TCIRG1: variants seen among roughly 807,000 people sequenced by gnomAD.
The protein encoded by TCIRG1 is T cell immune regulator 1, ATPase H+ transporting V0 subunit a3.
In TCIRG1, 86 loss-of-function variants were observed where a neutral mutation model predicts 95.5. The observed-to-expected ratio is 0.90, with a 90% CI of 0.76 to 1.08. The LOEUF (loss-of-function observed/expected upper bound fraction) is 1.08. Ranked by LOEUF, TCIRG1 falls within the 50% of genes least tolerant of loss-of-function variation. TCIRG1 has a pLI of 0.00. For missense variants in TCIRG1, 1,069 were observed against 1,140.2 expected, an observed-to-expected ratio of 0.94 and a Z score of 0.90; for synonymous variants, 499 against 501.3, an observed-to-expected ratio of 1.00 and a Z score of 0.06.
chr11:68,043,282 C>A (rs1855270647), intron 5 of TCIRG1, 89 bp from the exon 6 acceptor site: 1 of 1,498,862 alleles, frequency 6.7e-7, no homozygotes, highest in Non-Finnish European at 8.9e-7. Context: ...GCCCGATTGC[C>A]CGTGCTGGGC....
At position 68,041,802 on chromosome 11, in the gene TCIRG1, G is replaced by A. The variant is rs368777603; in HGVS notation, c.167G>A (p.Arg56Gln). The A allele has an allele frequency of 1.7e-5, 27 of 1,609,726 alleles. No individual in the cohort carries two copies. Among genetic ancestry groups the A allele is most frequent in the African/African-American group, 5.3e-5 (4 of 74,870 alleles). The change falls in exon 3 of 20, where the codon CGG (arginine) becomes CAG (glutamine). Residue 56 changes from arginine (R) to glutamine (Q), a missense_variant. Physicochemically the swap from Arg to Gln is conservative, Grantham distance 43. Coordinates refer to ENST00000265686, the MANE Select transcript of TCIRG1 (RefSeq NM_006019.4). ...CAGAGACGCTTTGTGGTTGATGTTCGGCGCTGTGAGGAGCTGGAGAAGACC... is the reference window on the plus strand; with the variant it reads ...CAGAGACGCTTTGTGGTTGATGTTCAGCGCTGTGAGGAGCTGGAGAAGACC... ...AFQRRFVVDV[R>Q]RCEELEKTFT... is the part of the protein sequence containing the mutation.
chr11:68,039,615 C>T (rs1307411738), intron 1 of TCIRG1, among the ~76,000 whole-genome samples: 1 of 152,118 alleles, frequency 6.6e-6, no homozygotes, highest in Non-Finnish European at 1.5e-5. Context: ...TGGGCTGGAG[C>T]CTGGACCCCA....
chr11:68,045,833 C>G (rs1855454339), intron 10 of TCIRG1, among the ~76,000 whole-genome samples: 1 of 152,236 alleles, frequency 6.6e-6, no homozygotes, highest in Admixed American at 6.5e-5. Context: ...CACCCTGACT[C>G]TTGCCCACTG....
At position 68,041,277 on chromosome 11, in the gene TCIRG1, C is replaced by T. The variant is rs1265132245; in HGVS notation, c.6C>T (p.Gly2=). Residue 2 remains glycine (G), a synonymous_variant, in exon 2 of 20, where the codon GGC becomes GGT. Coordinates refer to ENST00000265686, the MANE Select transcript of TCIRG1 (RefSeq NM_006019.4). ...CCGTGTCCACCCACAGGACCATGGGCTCCATGTTCCGGAGCGAGGAGGTGG... is the reference window on the plus strand; with the variant it reads ...CCGTGTCCACCCACAGGACCATGGGTTCCATGTTCCGGAGCGAGGAGGTGG... The part of the protein sequence containing the change: M[G]SMFRSEEVAL... The T allele has an allele frequency of 1.9e-6, 3 of 1,610,648 alleles. No individual in the cohort carries two copies. Among genetic ancestry groups the T allele is most frequent in the Non-Finnish European group, 2.5e-6 (3 of 1,177,766 alleles).
chr11:68,041,327 CAG>C lies in TCIRG1; in HGVS notation c.57_58del (p.Ala20GlyfsTer34). The stretch of plus-strand genomic sequence containing the variant: ...GCCCTGGTCCAGCTCTTTCTGCCCA[CAG>C]CGGCTGCCTACACCTGCGTGAGTCG... On this transcript the variant is annotated frameshift_variant, in exon 2 of 20. Transcript: ENST00000265686. LOFTEE classifies it high-confidence loss of function. The C allele has an allele frequency of 6.2e-7, 1 of 1,613,280 alleles. No homozygotes were observed. Among genetic ancestry groups the C allele is most frequent in the Non-Finnish European group, 8.5e-7 (1 of 1,179,970 alleles).
chr11:68,049,478 CG>C (rs1565163166), intron 15 of TCIRG1, 184 bp downstream of exon 15: 6 of 1,003,880 alleles, frequency 6.0e-6, no homozygotes, highest in Non-Finnish European at 7.2e-6. Flanking sequence ...CACTGGGAAC[CG>C]GGGGTCCCTT....
rs766544469 is a variant in TCIRG1 at position 68,045,074 on chromosome 11, C to T, written c.1137C>T (p.Gly379=). The T allele has an allele frequency of 2.5e-6, 4 of 1,603,236 alleles. No homozygotes were observed. Among genetic ancestry groups the T allele is most frequent in the Admixed American group, 1.7e-5 (1 of 60,008 alleles). Residue 379 remains glycine, a synonymous_variant, in exon 10 of 20, where the codon GGC becomes GGT. Coordinates refer to ENST00000265686, the MANE Select transcript of TCIRG1 (RefSeq NM_006019.4). ...TCCAGGGCATCGTGGATGCCTACGG[C>T]GTGGGCCGCTACCAGGAGGTCAACC... is the stretch of plus-strand genomic sequence containing the variant. ...ASFQGIVDAY[G]VGRYQEVNPA...
chr11:68,049,664 AGGTGGTCCAGGCCACGCT>A lies in TCIRG1; in HGVS notation c.1898_1915del (p.Gln633_Val638del). 1 of 1,600,462 alleles carries A rather than the reference AGGTGGTCCAGGCCACGCT, an allele frequency of 6.2e-7. No homozygotes were observed. Among genetic ancestry groups the A allele is most frequent in the Non-Finnish European group, 8.5e-7 (1 of 1,179,080 alleles). On this transcript the variant is annotated inframe_deletion and splice_region_variant, in exon 16 of 20. Transcript: ENST00000265686. ...TGACTCTCGCCCTCTCCCTGGCAGG[AGGTGGTCCAGGCCACGCT>A]GGTGGTCCTGGCCTTGGCCATGGTG... is the stretch of plus-strand genomic sequence containing the variant.
intron 2 of TCIRG1, 72 bp from the exon 3 acceptor site, chr11:68,041,681 G>A (rs1190974193): frequency 1.7e-5 from 23 of 1,317,554 alleles, no homozygotes; most frequent in Non-Finnish European, 2.4e-5. Context: ...GGAGAGTCAG[G>A]CCTGGGCTCT....
intron 10 of TCIRG1, 71 bp from the exon 11 acceptor site, chr11:68,047,362 G>T: frequency 6.3e-7 from 1 of 1,581,548 alleles, no homozygotes. Context: ...CAGGGCCTCC[G>T]TGGCGTCTTG....
intron 16 of TCIRG1, 73 bp from the exon 17 acceptor site, chr11:68,049,889 G>A: frequency 1.3e-6 from 2 of 1,561,208 alleles, no homozygotes; most frequent in South Asian, 1.2e-5. Flanking sequence ...TGAGTGGCCA[G>A]GAGCAGGCCT....
In TCIRG1 at chr11:68,045,009, C is replaced by T. The variant is rs751624553; in HGVS notation, c.1072C>T (p.Pro358Ser). The change falls in exon 10 of 20, where the codon CCC becomes TCC. Residue 358 changes from proline to serine, a missense_variant. Physicochemically the swap from Pro to Ser is moderately conservative, Grantham distance 74. Transcript: ENST00000265686. ...VAHRIPCRDM[P>S]PTLIRTNRFT... Reference sequence around the variant, plus strand: ...TCACCGCATCCCCTGCCGGGACATGCCCCCCACACTCATCCGCACCAACCG... The same window carrying T: ...TCACCGCATCCCCTGCCGGGACATGTCCCCCACACTCATCCGCACCAACCG... The T allele has an allele frequency of 5.0e-6, 8 of 1,608,370 alleles. No homozygotes were observed. Among genetic ancestry groups the T allele is most frequent in the African/African-American group, 1.3e-5 (1 of 74,952 alleles).
Position 68,042,680 on chromosome 11 carries a change from C to A in TCIRG1, c.234C>A (p.Val78=). Residue 78 remains valine (V), a synonymous_variant, in exon 4 of 20, where the codon GTC becomes GTA. Transcript: ENST00000265686. ...AGGAGGTGCGGCGGGCTGGGCTGGT[C>A]CTGCCCCCGCCAAAGGGGAGGCTGC... ...LQEEVRRAGL[V]LPPPKGRLPA... is the part of the protein sequence containing the mutation. 6.5e-7 allele frequency: 1 copy of A among 1,546,406 alleles called. No individual in the cohort carries two copies. The highest frequency in any genetic ancestry group is 8.7e-7 in the Non-Finnish European group (1 of 1,145,936).
intron 1 of TCIRG1, 59 bp from the exon 2 acceptor site, chr11:68,041,209 G>A (rs2134430163): frequency 1.1e-5 from 13 of 1,134,242 alleles, no homozygotes; most frequent in South Asian, 6.2e-5. Flanking sequence ...ACAGGTGCCC[G>A]TGGTTGGGAA....
At chr11:68,048,234 C>G in intron 13 of TCIRG1, 1 of 586,290 alleles carries the variant, frequency 1.7e-6, no homozygotes, top group Non-Finnish European at 3.1e-6. Flanking sequence ...CAGGAACCAG[C>G]CTGCAGCTTG....
intron 15 of TCIRG1, 117 bp downstream of exon 15, chr11:68,049,411 G>T: frequency 8.6e-7 from 1 of 1,159,184 alleles, no homozygotes. Context: ...GCCCCGGGCC[G>T]TGCAGACAGG....
At position 68,050,861 on chromosome 11, in the gene TCIRG1, A is replaced by G. The variant is rs767043259; in HGVS notation, c.*42A>G. 1 of 1,589,156 alleles carries G rather than the reference A, an allele frequency of 6.3e-7. No homozygotes were observed. Among genetic ancestry groups the G allele is most frequent in the South Asian group, 1.1e-5 (1 of 90,642 alleles). ...TGCCAGACCTCCTTCCTGACCTCTG[A>G]GGCAGGAGAGGAATAAAGACGGTCC... On this transcript the variant is annotated 3_prime_UTR_variant, in exon 20 of 20. Transcript: ENST00000265686.
At chr11:68,047,355 G>T in intron 10 of TCIRG1, 78 bp from the exon 11 acceptor site, 1 of 1,530,200 alleles carries the variant, frequency 6.5e-7, no homozygotes, top group Non-Finnish European at 8.9e-7. Context: ...AGGCCAGCAG[G>T]GCCTCCGTGG....
At position 68,045,095 on chromosome 11, in the gene TCIRG1, C is replaced by T; in HGVS notation, c.1158C>T (p.Val386=). Residue 386 remains valine (V), a synonymous_variant, in exon 10 of 20, where the codon GTC becomes GTT. Coordinates refer to ENST00000265686, the MANE Select transcript of TCIRG1 (RefSeq NM_006019.4). ...ACGGCGTGGGCCGCTACCAGGAGGT[C>T]AACCCCGGTGAGAGCCACGGCATCC... ...DAYGVGRYQE[V]NPAPYTIITF... is the part of the protein sequence containing the mutation. 6.2e-7 allele frequency: 1 copy of T among 1,601,314 alleles called. No individual in the cohort carries two copies. Among genetic ancestry groups the T allele is most frequent in the Non-Finnish European group, 8.5e-7 (1 of 1,179,960 alleles).
Sources: gnomAD v4.1 joint callset for allele counts (sites outside exome capture counted in the v4.1 genomes callset) on GRCh38, gnomAD v4.1.1 for gene constraint, MANE v1.5 for transcripts, NCBI Gene and HGNC (gene_info 2026-07-23, HGNC 2026-07-21) for gene names.